The following RNF115 variants were observed in gnomAD, a reference collection of about 807,000 sequenced individuals.
RNF115 encodes ring finger protein 115.
A neutral mutation model predicts 39.2 loss-of-function variants in RNF115; 31 were observed. The observed-to-expected ratio is 0.79, with a 90% CI of 0.59 to 1.07. The LOEUF is 1.07. RNF115 is among the 50% of genes least tolerant of loss of function. RNF115 has a pLI of 0.00. For synonymous variants in RNF115, 124 were observed against 131.0 expected (o/e 0.95, Z 0.37); for missense variants, 384 against 381.7 (o/e 1.01, Z -0.05).
chr1:145,791,810 T>G (rs1648681720), intron 1 of RNF115, among the ~76,000 whole-genome samples: 1 of 152,212 alleles, frequency 6.6e-6, no homozygotes, highest in Admixed American at 6.5e-5. Flanking sequence ...TTAAAGTATA[T>G]TTTAACTACC....
intron 4 of RNF115, among the ~76,000 whole-genome samples, chr1:145,754,580 G>A (rs759845296): frequency 1.6e-4 from 24 of 152,024 alleles, no homozygotes; most frequent in Non-Finnish European, 1.3e-4. Flanking sequence ...CAAGTAATCC[G>A]CCCGCCTTGG....
At chr1:145,817,514 T>C (rs1309357465) in intron 1 of RNF115, among the ~76,000 whole-genome samples, 1 of 146,086 alleles carries the variant, frequency 6.8e-6, no homozygotes, top group Non-Finnish European at 1.5e-5. Flanking sequence ...CCATATCTGA[T>C]TTTAACTGGG....
Position 145,783,817 on chromosome 1 carries a change from A to G in RNF115, c.219+722T>C, listed in dbSNP as rs587690471. Among the ~76,000 whole-genome samples, 7 of 152,154 alleles carry G rather than the reference A, an allele frequency of 4.6e-5. 1 individual carries two copies. In the South Asian group the frequency reaches 1.5e-3, roughly 32 times the overall value. On this transcript the variant is annotated intron_variant, in intron 3 of 8. Coordinates refer to ENST00000582693, the MANE Select transcript of RNF115 (RefSeq NM_014455.4). Reference sequence around the variant, plus strand: ...GAATTATACACTTAAGAACAGTTACAATGGTTTCTTTTTTTAAAAAAAAAA... The same window carrying G: ...GAATTATACACTTAAGAACAGTTACGATGGTTTCTTTTTTTAAAAAAAAAA...
At chr1:145,812,464 A>T (rs1334497986) in intron 1 of RNF115, among the ~76,000 whole-genome samples, 4 of 151,012 alleles carry the variant, frequency 2.6e-5, no homozygotes. Flanking sequence ...GTTTGAGACC[A>T]GCCTGGCCAA....
At chr1:145,822,032 T>G (rs1278615166) in intron 1 of RNF115, among the ~76,000 whole-genome samples, 1 of 151,530 alleles carries the variant, frequency 6.6e-6, no homozygotes, top group African/African-American at 2.4e-5. Flanking sequence ...CAAACAAAGC[T>G]AAGTAGCATT....
At position 145,748,015 on chromosome 1, in the gene RNF115, T is replaced by A; in HGVS notation, c.763A>T (p.Ile255Phe). The A allele has an allele frequency of 3.1e-6, 5 of 1,613,184 alleles. No homozygotes were observed. The highest frequency in any genetic ancestry group is 4.2e-6 in the Non-Finnish European group (5 of 1,179,172). The change falls in exon 8 of 9, where the codon ATT becomes TTT. Residue 255 changes from isoleucine (I) to phenylalanine (F), a missense_variant. Physicochemically the swap from Ile to Phe is conservative, Grantham distance 21. Transcript: ENST00000582693. ...CTCACCAGTTCTAGCCACGGCACAA[T>A]ACAACTGCTGTGAAAGAAGTGATTG... The part of the protein sequence containing the change: ...PCNHFFHSSC[I>F]VPWLELHDTC...
rs1454669885 is a variant in RNF115, at chr1:145,742,960, GT to G, written c.*3905del. Reference sequence around the variant, plus strand: ...GGCGGGTGGTCACTTGAGGTCAGGAGTTTGAAAACAGCCTGACCAACATGGT... The same window carrying G: ...GGCGGGTGGTCACTTGAGGTCAGGAGTTGAAAACAGCCTGACCAACATGGT... On this transcript the variant is annotated 3_prime_UTR_variant, in exon 9 of 9. Transcript: ENST00000582693. 1.3e-5 allele frequency: 2 copies of G among 151,924 alleles called. No individual in the cohort carries two copies. The highest frequency in any genetic ancestry group is 4.8e-5 in the African/African-American group (2 of 41,342). The allele number at this position is 151,924 out of a possible 1,614,324, so 9.4% of individuals were successfully genotyped here. A position where few individuals can be genotyped will look rare whatever the true frequency, so the allele number is the denominator to read the frequency against.
At position 145,769,262 on chromosome 1, in the gene RNF115, A is replaced by G. The variant is rs587649283; in HGVS notation, c.428+2449T>C. The stretch of plus-strand genomic sequence containing the variant: ...TGCCTCAGTTTCTCCAGTAAAATGG[A>G]GATATTCACAATACCTTCTTCACAT... On this transcript the variant is annotated intron_variant, in intron 4 of 8. Transcript: ENST00000582693. Among the ~76,000 whole-genome samples the G allele has an allele frequency of 3.9e-5, 6 of 152,308 alleles. No homozygotes were observed. In the South Asian group the frequency reaches 1.2e-3, roughly 32 times the overall value.
At position 145,784,607 on chromosome 1, in the gene RNF115, A is replaced by C; in HGVS notation, c.162-11T>G. ...CCACCACCTAAAAAACTAAAGAGAA[A>C]AGGAATGAGTGGTGATTCTATTCCC... On this transcript the variant is annotated splice_polypyrimidine_tract_variant and intron_variant, in intron 2 of 8. Transcript: ENST00000582693. 4 of 1,612,838 alleles carry C rather than the reference A, an allele frequency of 2.5e-6. No individual in the cohort carries two copies. The highest frequency in any genetic ancestry group is 3.4e-6 in the Non-Finnish European group (4 of 1,178,884).
chr1:145,785,787 C>T (rs1553718017), intron 2 of RNF115, among the ~76,000 whole-genome samples: 1 of 152,194 alleles, frequency 6.6e-6, no homozygotes. Flanking sequence ...CTTTATGCAA[C>T]CATTCTCAAG....
intron 4 of RNF115, among the ~76,000 whole-genome samples, chr1:145,760,590 C>T (rs183028503): frequency 1.3e-5 from 2 of 152,214 alleles, no homozygotes; most frequent in African/African-American, 4.8e-5. Context: ...TTTCTCTTGC[C>T]GCCGCCATGT....
In RNF115 at chr1:145,741,202, G is replaced by A. The variant is rs1484165140; in HGVS notation, c.*5664C>T. On this transcript the variant is annotated 3_prime_UTR_variant, in exon 9 of 9. Coordinates refer to ENST00000582693, the MANE Select transcript of RNF115 (RefSeq NM_014455.4). The stretch of plus-strand genomic sequence containing the variant: ...TTATTAGAAAAAGTAAAGAATCACA[G>A]GCTTACATCCTATGATCACAGATCT... 2 of 152,146 alleles carry A rather than the reference G, an allele frequency of 1.3e-5. No individual in the cohort carries two copies. Among genetic ancestry groups the A allele is most frequent in the African/African-American group, 4.8e-5 (2 of 41,430 alleles). 9.4% of individuals were successfully genotyped at this position (152,146 alleles called of 1,614,324 possible).
intron 3 of RNF115, among the ~76,000 whole-genome samples, chr1:145,777,433 T>A: frequency 6.6e-6 from 1 of 152,152 alleles, no homozygotes; most frequent in Non-Finnish European, 1.5e-5. Flanking sequence ...TGCAAATTAG[T>A]GCAAATTAAT....
At chr1:145,786,054 T>G (rs1553718058) in intron 2 of RNF115, among the ~76,000 whole-genome samples, 1 of 152,180 alleles carries the variant, frequency 6.6e-6, no homozygotes, top group East Asian at 1.9e-4. Context: ...CAAACATCCT[T>G]GGTAATTGAA....
intron 4 of RNF115, among the ~76,000 whole-genome samples, chr1:145,759,593 A>G (rs1252469297): frequency 6.6e-6 from 1 of 152,176 alleles, no homozygotes; most frequent in African/African-American, 2.4e-5. Context: ...TCTAGCTTAT[A>G]TTAATGCAAT....
intron 1 of RNF115, among the ~76,000 whole-genome samples, chr1:145,804,507 ACAC>A (rs1649384621): frequency 6.7e-6 from 1 of 148,792 alleles, no homozygotes; most frequent in Admixed American, 6.7e-5. Flanking sequence ...ATGCACACAC[ACAC>A]ACACACACAC....
In RNF115 at chr1:145,824,052, T is replaced by C. The variant is rs1445863577; in HGVS notation, c.-179A>G. Reference sequence around the variant, plus strand: ...AACGCGGCGGCGCCAACAGCTACCCTGCGGCCCGCCTCCCAGCACCAAAGA... The same window carrying C: ...AACGCGGCGGCGCCAACAGCTACCCCGCGGCCCGCCTCCCAGCACCAAAGA... On this transcript the variant is annotated 5_prime_UTR_variant, in exon 1 of 9. Transcript: ENST00000582693. 4 of 483,954 alleles carry C rather than the reference T, an allele frequency of 8.3e-6. No individual in the cohort carries two copies. Among genetic ancestry groups the C allele is most frequent in the Non-Finnish European group, 1.4e-5 (4 of 279,664 alleles). 30.0% of individuals were successfully genotyped at this position (483,954 alleles called of 1,614,324 possible). A position where few individuals can be genotyped will look rare whatever the true frequency, so the allele number is the denominator to read the frequency against.
intron 1 of RNF115, among the ~76,000 whole-genome samples, chr1:145,800,802 T>C (rs1185879611): frequency 2.0e-5 from 3 of 152,206 alleles, no homozygotes; most frequent in Admixed American, 6.5e-5. Context: ...TAATAAGTTA[T>C]TGTATTAAGC....
At chr1:145,802,008 G>C (rs587770217) in intron 1 of RNF115, among the ~76,000 whole-genome samples, 1 of 152,044 alleles carries the variant, frequency 6.6e-6, no homozygotes, top group South Asian at 2.1e-4. Context: ...AGCTAGTCTC[G>C]AACTCCTGAG....
Sources: allele counts gnomAD v4.1 joint callset (sites outside exome capture counted in the v4.1 genomes callset), GRCh38; gene constraint gnomAD v4.1.1; transcripts MANE v1.5; gene names NCBI Gene and HGNC (gene_info 2026-07-23, HGNC 2026-07-21).